PKHD1: variants seen among roughly 807,000 people sequenced by gnomAD.
The protein encoded by PKHD1 is PKHD1 ciliary IPT domain containing fibrocystin/polyductin.
A neutral mutation model predicts 412.0 loss-of-function variants in PKHD1; 291 were observed. The ratio of observed to expected loss-of-function variants is 0.71; its 90% CI spans 0.64 to 0.78. The LOEUF (loss-of-function observed/expected upper bound fraction) is 0.78, where lower values mean the gene tolerates loss of function less well. Among genes scored for constraint, PKHD1 ranks in the 30% least tolerant of loss-of-function variants. The probability of loss-of-function intolerance (pLI) is 0.00; values close to 1 mark genes in which losing one functional copy is unlikely to be tolerated. For missense variants in PKHD1, 4,825 were observed against 4,950.7 expected (o/e 0.97, Z 0.76); for synonymous variants, 1,777 against 1,821.5 (o/e 0.98, Z 0.62).
chr6:51,691,455 C>T (rs1778146206), intron 60 of PKHD1, among the ~76,000 whole-genome samples: 1 of 152,076 alleles, frequency 6.6e-6, no homozygotes. Context: ...TACATATATA[C>T]CATGGAATAC....
At chr6:52,059,611 T>A (rs563106187) in intron 15 of PKHD1, among the ~76,000 whole-genome samples, 6 of 152,280 alleles carry the variant, frequency 3.9e-5, no homozygotes, top group African/African-American at 1.4e-4. Flanking sequence ...TATCTTTATG[T>A]ATATATGTGT....
At chr6:51,700,114 A>T (rs1779258353) in intron 60 of PKHD1, among the ~76,000 whole-genome samples, 1 of 152,084 alleles carries the variant, frequency 6.6e-6, no homozygotes, top group South Asian at 2.1e-4. Flanking sequence ...CTATGCTATA[A>T]TTCTGATTTA....
At chr6:52,066,318 G>C (rs1257655132) in intron 11 of PKHD1, among the ~76,000 whole-genome samples, 4 of 152,114 alleles carry the variant, frequency 2.6e-5, no homozygotes, top group Non-Finnish European at 5.9e-5. Flanking sequence ...ATCATTCATG[G>C]TATCAGCAAA....
At chr6:51,623,295 T>G (rs1372387390) in intron 66 of PKHD1, among the ~76,000 whole-genome samples, 1 of 152,146 alleles carries the variant, frequency 6.6e-6, no homozygotes, top group Non-Finnish European at 1.5e-5. Flanking sequence ...TTATACTATT[T>G]AATAAATTAT....
At chr6:51,630,154 T>G (rs1490612498) in intron 65 of PKHD1, among the ~76,000 whole-genome samples, 1 of 152,144 alleles carries the variant, frequency 6.6e-6, no homozygotes, top group African/African-American at 2.4e-5. Flanking sequence ...TGTAACAAAG[T>G]ACAAAAAGGC....
chr6:51,706,148 C>T (rs1779992266), intron 60 of PKHD1, among the ~76,000 whole-genome samples: 1 of 152,034 alleles, frequency 6.6e-6, no homozygotes, highest in Admixed American at 6.6e-5. Flanking sequence ...AGGTGACTTT[C>T]CTCTCTCGAA....
intron 48 of PKHD1, among the ~76,000 whole-genome samples, chr6:51,858,814 C>T (rs1311552802): frequency 6.6e-6 from 1 of 152,192 alleles, no homozygotes; most frequent in East Asian, 1.9e-4. Flanking sequence ...AGTAACATTT[C>T]TCCCCAACTT....
chr6:51,859,431 C>G (rs2151709876), intron 48 of PKHD1, among the ~76,000 whole-genome samples: 1 of 146,040 alleles, frequency 6.8e-6, no homozygotes, highest in East Asian at 2.1e-4. Flanking sequence ...GAGGCTGAGG[C>G]AGGAGAATGG....
chr6:51,853,395 T>A (rs1355941537), intron 49 of PKHD1, among the ~76,000 whole-genome samples: 4 of 152,204 alleles, frequency 2.6e-5, no homozygotes, highest in African/African-American at 9.6e-5. Flanking sequence ...GGTCTTCTCA[T>A]GGAGTTGGGG....
At chr6:52,016,496 C>T (rs1281650736) in intron 34 of PKHD1, among the ~76,000 whole-genome samples, 4 of 151,712 alleles carry the variant, frequency 2.6e-5, no homozygotes, top group South Asian at 2.1e-4. Flanking sequence ...ATTAGCTGGG[C>T]GTGGTGGTAT....
chr6:51,866,903 G>A (rs954093541), intron 48 of PKHD1, among the ~76,000 whole-genome samples: 20 of 152,170 alleles, frequency 1.3e-4, no homozygotes, highest in Admixed American at 2.0e-4. Context: ...GCTCATTAAC[G>A]TCAGGTAGAA....
chr6:51,901,119 A>G (rs1019510488), intron 43 of PKHD1, among the ~76,000 whole-genome samples: 2 of 152,220 alleles, frequency 1.3e-5, no homozygotes, highest in Non-Finnish European at 2.9e-5. Flanking sequence ...GTGATTCCTC[A>G]GGGATCTAGA....
chr6:51,975,640 A>AAAG (rs67698555), intron 35 of PKHD1: 3 of 149,368 alleles, frequency 2.0e-5, no homozygotes, highest in Non-Finnish European at 4.5e-5. Flanking sequence ...AAAAAAAAAA[A>AAAG]ACAAAAAGAA....
At position 51,972,902 on chromosome 6, in the gene PKHD1, G is replaced by A. The variant is rs372066202; in HGVS notation, c.5752-12876C>T. 3.0e-4 allele frequency among the ~76,000 whole-genome samples: 45 copies of A among 152,294 alleles called. 1 individual carries two copies. Among genetic ancestry groups the A allele is most frequent in the South Asian group, 1.5e-3 (7 of 4,822 alleles). ...AGTAACAGCAGTCCAGGCAAAAGAG[G>A]AAATAGATCCAGAGATTTCAGAAAG... is the stretch of plus-strand genomic sequence containing the variant. On this transcript the variant is annotated intron_variant, in intron 35 of 66. Coordinates refer to ENST00000371117, the MANE Select transcript of PKHD1 (RefSeq NM_138694.4).
intron 39 of PKHD1, among the ~76,000 whole-genome samples, chr6:51,911,226 C>T (rs557836146): frequency 6.6e-6 from 1 of 152,164 alleles, no homozygotes; most frequent in South Asian, 2.1e-4. Flanking sequence ...CCTGGGAAAC[C>T]AAAACATGAC....
At chr6:51,650,243 G>A (rs1770721806) in intron 61 of PKHD1, among the ~76,000 whole-genome samples, 1 of 152,086 alleles carries the variant, frequency 6.6e-6, no homozygotes, top group South Asian at 2.1e-4. Context: ...CGGTATTTTT[G>A]ATGACAGAGC....
At chr6:51,998,048 A>G (rs1158933219) in intron 35 of PKHD1, among the ~76,000 whole-genome samples, 1 of 152,230 alleles carries the variant, frequency 6.6e-6, no homozygotes, top group Non-Finnish European at 1.5e-5. Flanking sequence ...AAGTCTGGCT[A>G]GATTGCACGT....
intron 63 of PKHD1, among the ~76,000 whole-genome samples, chr6:51,642,694 G>C (rs528641100): frequency 6.6e-6 from 1 of 152,090 alleles, no homozygotes; most frequent in Non-Finnish European, 1.5e-5. Flanking sequence ...AGAAAAATTA[G>C]CCAGGTGTGG....
intron 25 of PKHD1, among the ~76,000 whole-genome samples, 194 bp downstream of exon 25, chr6:52,044,772 C>T (rs1460214912): frequency 2.0e-5 from 3 of 152,114 alleles, no homozygotes; most frequent in African/African-American, 7.2e-5. Context: ...ATTGTGGTTA[C>T]AAGGCATTTA....
Sources: gnomAD v4.1 joint callset for allele counts (sites outside exome capture counted in the v4.1 genomes callset) on GRCh38, gnomAD v4.1.1 for gene constraint, MANE v1.5 for transcripts, NCBI Gene and HGNC (gene_info 2026-07-23, HGNC 2026-07-21) for gene names.